The following ZNF451 variants were observed in gnomAD, a reference collection of about 807,000 sequenced individuals.
ZNF451 encodes the protein E3 SUMO-protein ligase ZNF451.
ZNF451 carries 80 observed loss-of-function variants against 107.1 expected under a neutral mutation model. The ratio of observed to expected loss-of-function variants is 0.75; its 90% CI spans 0.62 to 0.90. ZNF451 has a LOEUF of 0.90. ZNF451 is among the 40% of genes least tolerant of loss of function. The pLI is 0.00. For synonymous variants in ZNF451, 362 were observed against 406.5 expected, an observed-to-expected ratio of 0.89 and a Z score of 1.32; for missense variants, 1,107 against 1,236.2, an observed-to-expected ratio of 0.90 and a Z score of 1.57.
chr6:57,163,436 C>CTT (rs398001706), intron 14 of ZNF451, among the ~76,000 whole-genome samples: 880 of 30,272 alleles, frequency 0.029, 312 homozygotes, highest in Middle Eastern at 0.083. Context: ...AATGAATAAA[C>CTT]TTTTTTTTTT....
At chr6:57,115,349 T>C (rs144530719) in intron 3 of ZNF451, 1 of 152,338 alleles carries the variant, frequency 6.6e-6, no homozygotes, top group East Asian at 1.9e-4. Flanking sequence ...ATCATTTCGT[T>C]GATTATGGGA....
intron 3 of ZNF451, among the ~76,000 whole-genome samples, chr6:57,100,100 C>T (rs1829521998): frequency 6.6e-6 from 1 of 151,998 alleles, no homozygotes; most frequent in Non-Finnish European, 1.5e-5. Flanking sequence ...TTTTGTTATT[C>T]GTGGACAGTG....
chr6:57,167,162 G>T (rs151200564), intron 14 of ZNF451, among the ~76,000 whole-genome samples: 31 of 151,328 alleles, frequency 2.0e-4, no homozygotes, highest in African/African-American at 7.3e-4. Flanking sequence ...TAAAACAGAC[G>T]TTGTGATTTC....
In ZNF451 at chr6:57,100,951, C is replaced by T. The variant is rs751316939; in HGVS notation, c.186+1810C>T. 15 of 1,550,986 alleles carry T rather than the reference C, an allele frequency of 9.7e-6. No homozygotes were observed. The East Asian group carries it at 9.8e-5, about 10-fold the overall frequency. ...TTCTTCTTCAGCTTCACAGCATGGA[C>T]GGGATGCCATCCTCTATCTCCAGAC... On this transcript the variant is annotated intron_variant, in intron 3 of 14. Coordinates refer to ENST00000370706, the MANE Select transcript of ZNF451 (RefSeq NM_001031623.3).
intron 3 of ZNF451, among the ~76,000 whole-genome samples, chr6:57,117,899 C>T (rs149493200): frequency 2.6e-5 from 4 of 152,174 alleles, no homozygotes; most frequent in African/African-American, 4.8e-5. Context: ...TAGTTCTTCC[C>T]GAGTTAGGAT....
intron 2 of ZNF451, among the ~76,000 whole-genome samples, chr6:57,096,205 A>C (rs1463847749): frequency 1.5e-5 from 1 of 68,010 alleles, no homozygotes; most frequent in African/African-American, 5.9e-5. Flanking sequence ...TTTTTTTGAG[A>C]TGGAGTTTCG....
Position 57,155,900 on chromosome 6 carries a change from A to T in ZNF451, c.3070+1853A>T, listed in dbSNP as rs548296550. 3.8e-5 allele frequency among the ~76,000 whole-genome samples: 5 copies of T among 130,524 alleles called. No homozygotes were observed. The Admixed American group carries it at 4.3e-4, about 11-fold the overall frequency. The allele number at this position is 130,524 out of a possible 152,430, so 85.6% of individuals were successfully genotyped here. A position where few individuals can be genotyped will look rare whatever the true frequency, so the allele number is the denominator to read the frequency against. On this transcript the variant is annotated intron_variant, in intron 13 of 14. Transcript: ENST00000370706. ...CTCTCTGGAGGCACATGTGTACTTTATTCTTAGTTTTTGTGACATACAGAG... is the reference window on the plus strand; with the variant it reads ...CTCTCTGGAGGCACATGTGTACTTTTTTCTTAGTTTTTGTGACATACAGAG...
rs575992524 is a variant in ZNF451 at position 57,119,941 on chromosome 6, T to C, written c.187-4793T>C. On this transcript the variant is annotated intron_variant, in intron 3 of 14. Coordinates refer to ENST00000370706, the MANE Select transcript of ZNF451 (RefSeq NM_001031623.3). ...ATGTGAGCTTGGTTTACATTAGGGTTCATAGTTTACATTAGGGTTCACACT... is the reference window on the plus strand; with the variant it reads ...ATGTGAGCTTGGTTTACATTAGGGTCCATAGTTTACATTAGGGTTCACACT... Among the ~76,000 whole-genome samples the C allele has an allele frequency of 2.0e-5, 3 of 152,274 alleles. No homozygotes were observed. In the East Asian group the frequency reaches 5.8e-4, roughly 29 times the overall value.
intron 3 of ZNF451, among the ~76,000 whole-genome samples, chr6:57,120,755 T>A (rs927639886): frequency 2.6e-5 from 4 of 152,208 alleles, no homozygotes; most frequent in Non-Finnish European, 5.9e-5. Context: ...TTCTTATTGT[T>A]CAGTGTTGAG....
At chr6:57,141,208 G>A (rs959440567) in intron 7 of ZNF451, 94 bp from the exon 8 acceptor site, 21 of 1,084,348 alleles carry the variant, frequency 1.9e-5, no homozygotes, top group Middle Eastern at 2.9e-4. Flanking sequence ...AGGATATTGC[G>A]AATAAACAAC....
chr6:57,146,397 T>G (rs1443081127), intron 9 of ZNF451, among the ~76,000 whole-genome samples: 2 of 152,154 alleles, frequency 1.3e-5, no homozygotes, highest in Non-Finnish European at 2.9e-5. Flanking sequence ...AGAATTTTTA[T>G]AGTTTCAGGT....
intron 14 of ZNF451, chr6:57,165,091 G>GT (rs1352998437): frequency 1.3e-5 from 2 of 152,074 alleles, no homozygotes; most frequent in Non-Finnish European, 2.9e-5. Context: ...GGTCTCCATG[G>GT]TTTTTTATAA....
intron 14 of ZNF451, among the ~76,000 whole-genome samples, chr6:57,167,695 C>T (rs1182222774): frequency 6.6e-6 from 1 of 152,150 alleles, no homozygotes; most frequent in Admixed American, 6.5e-5. Flanking sequence ...GTGTGAGAAG[C>T]TAGTGAAGGC....
chr6:57,097,696 C>A (rs1829392289), intron 2 of ZNF451, among the ~76,000 whole-genome samples: 1 of 152,060 alleles, frequency 6.6e-6, no homozygotes, highest in South Asian at 2.1e-4. Flanking sequence ...GTTTAATAGT[C>A]TTCTAGGGGA....
chr6:57,155,773 T>C (rs1763392514), intron 13 of ZNF451, among the ~76,000 whole-genome samples: 2 of 151,882 alleles, frequency 1.3e-5, no homozygotes, highest in Non-Finnish European at 1.5e-5. Context: ...GTTATTAATA[T>C]CTGCTGATTA....
At chr6:57,162,262 G>A (rs560238353) in intron 14 of ZNF451, among the ~76,000 whole-genome samples, 1 of 152,134 alleles carries the variant, frequency 6.6e-6, no homozygotes, top group South Asian at 2.1e-4. Context: ...GGCCCAACTG[G>A]TATGTTTTCT....
Position 57,154,174 on chromosome 6 carries a change from C to G in ZNF451, c.3070+127C>G, listed in dbSNP as rs139600321. ...GCTAAACCATCATGTTCTCTTACTT[C>G]TATCTTACTTATCTTTTTTAAAAAA... is the stretch of plus-strand genomic sequence containing the variant. On this transcript the variant is annotated intron_variant, in intron 13 of 14. Transcript: ENST00000370706. The G allele has an allele frequency of 1.4e-4, 115 of 836,642 alleles. No individual in the cohort carries two copies. The Admixed American group carries it at 1.9e-3, about 14-fold the overall frequency. The allele number at this position is 836,642 out of a possible 1,614,324, so 51.8% of individuals were successfully genotyped here. A position where few individuals can be genotyped will look rare whatever the true frequency, so the allele number is the denominator to read the frequency against.
rs1460339599 is a variant in ZNF451, at chr6:57,147,773, T to A, written c.1688T>A (p.Met563Lys). The A allele has an allele frequency of 1.2e-6, 2 of 1,613,798 alleles. No individual in the cohort carries two copies. Among genetic ancestry groups the A allele is most frequent in the Non-Finnish European group, 8.5e-7 (1 of 1,179,980 alleles). Residue 563 changes from methionine (M) to lysine (K), a missense_variant, in exon 10 of 15, where the codon ATG becomes AAG. Met to Lys is a moderately conservative substitution (Grantham distance 95). Coordinates refer to ENST00000370706, the MANE Select transcript of ZNF451 (RefSeq NM_001031623.3). ...AATGGACACAGATATTTTTATGAGA[T>A]GGATGAGGTAGAAGGTGAAACTTTG... ...FHNGHRYFYEMDEVEGETLPS... is the reference protein window; with the variant it reads ...FHNGHRYFYEKDEVEGETLPS...
At chr6:57,103,082 G>A (rs1225077123) in intron 3 of ZNF451, 8 of 985,156 alleles carry the variant, frequency 8.1e-6, no homozygotes, top group East Asian at 1.1e-4. Context: ...AAAAAGATAC[G>A]CACATCAGTG....
Sources: allele counts gnomAD v4.1 joint callset (sites outside exome capture counted in the v4.1 genomes callset), GRCh38; gene constraint gnomAD v4.1.1; transcripts MANE v1.5; gene names NCBI Gene and HGNC (gene_info 2026-07-23, HGNC 2026-07-21).